Variants in ASXL3 observed in about 807,000 individuals in gnomAD.
ASXL3 encodes ASXL transcriptional regulator 3.
A neutral mutation model predicts 170.6 loss-of-function variants in ASXL3; 34 were observed. The ratio of observed to expected loss-of-function variants is 0.20; its 90% confidence interval spans 0.15 to 0.27. The LOEUF (loss-of-function observed/expected upper bound fraction) is 0.27, where lower values mean the gene tolerates loss of function less well. Among genes scored for constraint, ASXL3 ranks in the 10% least tolerant of loss-of-function variants. The pLI, the probability that ASXL3 is intolerant of heterozygous loss-of-function variation, is 1.00. For synonymous variants in ASXL3, 1,002 were observed against 989.1 expected (o/e 1.01, Z -0.24); for missense variants, 2,592 against 2,695.3 (o/e 0.96, Z 0.85).
intron 2 of ASXL3, among the ~76,000 whole-genome samples, chr18:33,610,299 A>C (rs1372892223): frequency 2.0e-5 from 3 of 152,046 alleles, no homozygotes; most frequent in African/African-American, 7.2e-5. Flanking sequence ...TGTTTTAAGA[A>C]ATGCACATTG....
At chr18:33,654,997 A>G (rs548835502) in intron 4 of ASXL3, among the ~76,000 whole-genome samples, 1 of 152,152 alleles carries the variant, frequency 6.6e-6, no homozygotes, top group African/African-American at 2.4e-5. Flanking sequence ...TTATGTATAC[A>G]ATGGTCTTCC....
intron 2 of ASXL3, among the ~76,000 whole-genome samples, chr18:33,618,777 A>AT (rs1346525990): frequency 6.6e-6 from 1 of 151,990 alleles, no homozygotes; most frequent in Non-Finnish European, 1.5e-5. Flanking sequence ...ACTTGATGTT[A>AT]TTTTTTGATT....
intron 2 of ASXL3, among the ~76,000 whole-genome samples, chr18:33,639,354 A>G (rs749341395): frequency 2.6e-4 from 40 of 152,162 alleles, no homozygotes; most frequent in Non-Finnish European, 5.6e-4. Flanking sequence ...GACTGGCTCC[A>G]GAGCCCACAG....
chr18:33,607,750 T>C (rs2145124170), intron 2 of ASXL3, 74 bp downstream of exon 2: 1 of 1,107,738 alleles, frequency 9.0e-7, no homozygotes, highest in East Asian at 2.6e-5. Flanking sequence ...GCGATAGGTG[T>C]ATCTAGATTT....
intron 1 of ASXL3, among the ~76,000 whole-genome samples, chr18:33,601,065 G>T (rs1568270848): frequency 6.6e-6 from 1 of 152,128 alleles, no homozygotes; most frequent in Non-Finnish European, 1.5e-5. Context: ...GTATGGTGCA[G>T]GCTTTCCTGT....
intron 8 of ASXL3, among the ~76,000 whole-genome samples, chr18:33,710,929 A>G (rs1461732193): frequency 6.6e-6 from 1 of 152,186 alleles, no homozygotes; most frequent in African/African-American, 2.4e-5. Context: ...GAAAAATGTT[A>G]TGATAAAATA....
At chr18:33,718,285 A>G (rs1002934872) in intron 8 of ASXL3, among the ~76,000 whole-genome samples, 3 of 152,096 alleles carry the variant, frequency 2.0e-5, no homozygotes, top group Non-Finnish European at 2.9e-5. Context: ...CATATCCCAT[A>G]CACTCAAACA....
rs371635896 is a variant in ASXL3, at chr18:33,746,037, C to T, written c.6189C>T (p.Thr2063=). Residue 2063 remains threonine (T), a synonymous_variant, in exon 12 of 12, where the codon ACC becomes ACT. Transcript: ENST00000269197. ...DQKQPPVTME[T]TKRLSWPQST... ...AACAACCTCCAGTTACCATGGAAAC[C>T]ACTAAGAGACTTAGTTGGCCACAGT... The T allele has an allele frequency of 1.7e-5, 28 of 1,612,228 alleles. No homozygotes were observed. In the African/African-American group the frequency reaches 3.2e-4, roughly 19 times the overall value.
intron 8 of ASXL3, among the ~76,000 whole-genome samples, chr18:33,688,985 G>A (rs564556271): frequency 1.9e-3 from 273 of 146,796 alleles, no homozygotes; most frequent in African/African-American, 6.6e-3. Context: ...TGACTTGAAA[G>A]GTGTATTTTC....
At chr18:33,613,907 T>G (rs936986761) in intron 2 of ASXL3, among the ~76,000 whole-genome samples, 2 of 152,074 alleles carry the variant, frequency 1.3e-5, no homozygotes, top group African/African-American at 4.8e-5. Flanking sequence ...CTTGGGTGAC[T>G]GAGTGAGACC....
In ASXL3 at chr18:33,740,165, A is replaced by G; in HGVS notation, c.2761A>G (p.Arg921Gly). The change falls in exon 11 of 12, where the codon AGA becomes GGA. Residue 921 changes from arginine (R) to glycine (G), a missense_variant. By Grantham distance (125) the Arg-to-Gly change is moderately radical (BLOSUM62 -2). Coordinates refer to ENST00000269197, the MANE Select transcript of ASXL3 (RefSeq NM_030632.3). ...VDKAPFSEGS[R>G]NKTHKQGSTQ... is the part of the protein sequence containing the mutation. ...TAAGGCTCCATTTTCAGAAGGCTCT[A>G]GAAATAAAACACATAAGCAAGGGAG... 6.2e-7 allele frequency: 1 copy of G among 1,613,962 alleles called. No individual in the cohort carries two copies. Among genetic ancestry groups the G allele is most frequent in the Non-Finnish European group, 8.5e-7 (1 of 1,179,886 alleles).
intron 8 of ASXL3, among the ~76,000 whole-genome samples, chr18:33,715,263 C>G (rs1424412025): frequency 1.3e-5 from 2 of 152,264 alleles, no homozygotes; most frequent in African/African-American, 4.8e-5. Context: ...ATTCCCTGTT[C>G]CTTCGAGAAT....
Position 33,740,394 on chromosome 18 carries a change from C to G in ASXL3, c.2990C>G (p.Pro997Arg). The G allele has an allele frequency of 3.1e-6, 5 of 1,604,260 alleles. No individual in the cohort carries two copies. The highest frequency in any genetic ancestry group is 1.7e-5 in the Admixed American group (1 of 57,594). ...STRNISSSSP[P>R]EKEQPPREEP... ...CGGAACATATCATCTAGCAGCCCAC[C>G]TGAGAAAGAACAGCCTCCCAGAGAG... Residue 997 changes from proline to arginine, a missense_variant, in exon 11 of 12, where the codon CCT (proline) becomes CGT (arginine). Pro to Arg is a moderately radical substitution (Grantham distance 103, BLOSUM62 -2). Around this residue, in one of 4 missense-constraint regions of ASXL3, gnomAD observed 2,246 missense variants for 2,219.6 expected, o/e 1.01. Transcript: ENST00000269197.
intron 8 of ASXL3, among the ~76,000 whole-genome samples, chr18:33,706,607 C>T (rs937208290): frequency 1.3e-5 from 2 of 151,786 alleles, no homozygotes; most frequent in African/African-American, 4.8e-5. Context: ...ACACTTGACA[C>T]ATTTTTGGAT....
intron 8 of ASXL3, among the ~76,000 whole-genome samples, chr18:33,731,406 A>C (rs1159476867): frequency 1.3e-5 from 2 of 152,124 alleles, no homozygotes; most frequent in East Asian, 3.9e-4. Flanking sequence ...CTGATAGTTC[A>C]TTATGTTCTG....
chr18:33,611,307 G>A (rs2065333735), intron 2 of ASXL3, among the ~76,000 whole-genome samples: 1 of 151,810 alleles, frequency 6.6e-6, no homozygotes, highest in Non-Finnish European at 1.5e-5. Context: ...AGGACATGTG[G>A]TTTTGTTGAA....
chr18:33,716,313 A>G (rs187052697), intron 8 of ASXL3, among the ~76,000 whole-genome samples: 1 of 152,348 alleles, frequency 6.6e-6, no homozygotes, highest in Non-Finnish European at 1.5e-5. Context: ...TGCTACATTC[A>G]TTTGCATAGT....
intron 2 of ASXL3, among the ~76,000 whole-genome samples, chr18:33,639,037 G>A (rs1472719197): frequency 6.6e-6 from 1 of 152,022 alleles, no homozygotes; most frequent in Non-Finnish European, 1.5e-5. Context: ...TATTACCTGA[G>A]CCAATTCTTT....
Position 33,744,224 on chromosome 18 carries a change from G to C in ASXL3, c.4376G>C (p.Gly1459Ala), listed in dbSNP as rs765399471. The change falls in exon 12 of 12, where the codon GGC becomes GCC. Residue 1459 changes from glycine (G) to alanine (A), a missense_variant. Physicochemically the swap from Gly to Ala is moderately conservative, Grantham distance 60. Coordinates refer to ENST00000269197, the MANE Select transcript of ASXL3 (RefSeq NM_030632.3). Reference protein sequence around the residue: ...NSGKPQQPPGGFAPAAINRSI... With the variant: ...NSGKPQQPPGAFAPAAINRSI... ...GGAAAACCTCAGCAACCACCAGGGGGCTTTGCACCAGCAGCCATAAACCGA... is the reference window on the plus strand; with the variant it reads ...GGAAAACCTCAGCAACCACCAGGGGCCTTTGCACCAGCAGCCATAAACCGA... 15 of 1,613,764 alleles carry C rather than the reference G, an allele frequency of 9.3e-6. No individual in the cohort carries two copies. The highest frequency in any genetic ancestry group is 1.6e-4 in the Middle Eastern group (1 of 6,084).
Sources: allele counts gnomAD v4.1 joint callset (sites outside exome capture counted in the v4.1 genomes callset), GRCh38; gene constraint gnomAD v4.1.1; regional missense constraint gnomAD v4.1.1; transcripts MANE v1.5; gene names NCBI Gene and HGNC (gene_info 2026-07-23, HGNC 2026-07-21).